The following SEMA3D variants were observed in gnomAD, a reference collection of about 807,000 sequenced individuals.
SEMA3D encodes semaphorin-3D.
SEMA3D carries 84 observed loss-of-function variants against 100.1 expected under a neutral mutation model. The ratio of observed to expected loss-of-function variants is 0.84; its 90% CI spans 0.70 to 1.01. SEMA3D has a LOEUF of 1.01. Ranked by LOEUF, SEMA3D falls within the 50% of genes least tolerant of loss-of-function variation. The pLI is 0.00. For missense variants in SEMA3D, 875 were observed against 934.1 expected (o/e 0.94, Z 0.82); for synonymous variants, 312 against 320.7 (o/e 0.97, Z 0.29).
chr7:85,226,091 C>A, the SEMA3D span, among the ~76,000 whole-genome samples: 1 of 152,088 alleles, frequency 6.6e-6, no homozygotes, highest in African/African-American at 2.4e-5. Context: ...TTTAAACAAA[C>A]ACATTATTAG....
the SEMA3D span, among the ~76,000 whole-genome samples, chr7:85,207,512 A>G: frequency 6.6e-6 from 1 of 152,112 alleles, no homozygotes; most frequent in Non-Finnish European, 1.5e-5. Flanking sequence ...TTTACTGTGA[A>G]GGCCCTGCTA....
At chr7:85,193,594 C>T in the SEMA3D span, among the ~76,000 whole-genome samples, 2 of 152,012 alleles carry the variant, frequency 1.3e-5, no homozygotes, top group African/African-American at 2.4e-5. Flanking sequence ...TACCACTTTG[C>T]AAGTAGAAAA....
At chr7:85,022,332 C>G (rs1790276879) in intron 13 of SEMA3D, 59 bp downstream of exon 13, 1 of 1,152,056 alleles carries the variant, frequency 8.7e-7, no homozygotes, top group Non-Finnish European at 1.3e-6. Flanking sequence ...AGTTGTTCTT[C>G]TCTTTGTCTA....
intron 2 of SEMA3D, among the ~76,000 whole-genome samples, chr7:85,125,366 G>A (rs951368967): frequency 2.6e-5 from 4 of 152,104 alleles, no homozygotes; most frequent in African/African-American, 7.2e-5. Context: ...GTCATTAATC[G>A]CTAAGACATG....
chr7:85,075,640 T>G (rs141854064), intron 5 of SEMA3D, among the ~76,000 whole-genome samples: 2 of 152,306 alleles, frequency 1.3e-5, no homozygotes, highest in African/African-American at 4.8e-5. Flanking sequence ...TTGAATTATC[T>G]GACACAGTTT....
intron 5 of SEMA3D, among the ~76,000 whole-genome samples, chr7:85,079,362 A>G (rs953840099): frequency 1.3e-5 from 2 of 152,192 alleles, no homozygotes; most frequent in African/African-American, 4.8e-5. Flanking sequence ...TTATCACTAC[A>G]TGATTCAACA....
chr7:85,211,312 G>A, the SEMA3D span, among the ~76,000 whole-genome samples: 1 of 151,938 alleles, frequency 6.6e-6, no homozygotes, highest in East Asian at 1.9e-4. Context: ...TCTCTGTGAG[G>A]ACATTTTCCA....
Position 85,121,819 on chromosome 7 carries a change from G to C in SEMA3D, c.73C>G (p.Leu25Val), listed in dbSNP as rs1789423210. Residue 25 changes from leucine (L) to valine (V), a missense_variant, in exon 3 of 19, where the codon CTA becomes GTA. Transcript: ENST00000284136. ...GGAAGAAACAACATGGTCATGCTTAGCATCATCAAAGCAGGAAAAAGGTGA... is the reference window on the plus strand; with the variant it reads ...GGAAGAAACAACATGGTCATGCTTACCATCATCAAAGCAGGAAAAAGGTGA... ...DFHLFPALMM[L>V]SMTMLFLPVT... 1 of 1,609,984 alleles carries C rather than the reference G, an allele frequency of 6.2e-7. No homozygotes were observed. The highest frequency in any genetic ancestry group is 1.3e-5 in the African/African-American group (1 of 74,882).
the SEMA3D span, among the ~76,000 whole-genome samples, chr7:85,238,560 C>G: frequency 6.6e-6 from 1 of 152,158 alleles, no homozygotes; most frequent in Non-Finnish European, 1.5e-5. Context: ...CAATCTGTCT[C>G]TTCTTCCTCC....
At chr7:85,194,124 A>T in the SEMA3D span, among the ~76,000 whole-genome samples, 3 of 152,180 alleles carry the variant, frequency 2.0e-5, no homozygotes, top group African/African-American at 7.2e-5. Context: ...CAGATTTTCT[A>T]AGTAGATGAT....
the SEMA3D span, among the ~76,000 whole-genome samples, chr7:85,226,607 T>C: frequency 6.6e-6 from 1 of 152,168 alleles, no homozygotes; most frequent in African/African-American, 2.4e-5. Flanking sequence ...TGTGAACTCA[T>C]AGTTTGTTTT....
At chr7:85,068,357 AC>A in intron 6 of SEMA3D, 73 bp from the exon 7 acceptor site, 1 of 798,818 alleles carries the variant, frequency 1.3e-6, no homozygotes, top group Non-Finnish European at 2.2e-6. Flanking sequence ...GGAGATACAA[AC>A]TAAATTCCAA....
At chr7:85,150,346 A>AATATATATATATATATATATATATT (rs3078412) in intron 2 of SEMA3D, among the ~76,000 whole-genome samples, 1 of 121,238 alleles carries the variant, frequency 8.2e-6, no homozygotes, top group Admixed American at 8.8e-5. Flanking sequence ...CTTTTCTAGA[A>AATATATATATATATATATATATATT]ATATATATAT....
chr7:85,134,180 CT>C (rs1465649194), intron 2 of SEMA3D, among the ~76,000 whole-genome samples: 1 of 151,822 alleles, frequency 6.6e-6, no homozygotes, highest in Admixed American at 6.6e-5. Context: ...TACTTAATTG[CT>C]TTATTGGATG....
In SEMA3D at chr7:85,113,313, C is replaced by T. The variant is rs371987379; in HGVS notation, c.151+8428G>A. Among the ~76,000 whole-genome samples the T allele has an allele frequency of 6.6e-5, 10 of 152,064 alleles. No homozygotes were observed. In the East Asian group the frequency reaches 7.8e-4, roughly 12 times the overall value. On this transcript the variant is annotated intron_variant, in intron 3 of 18. Transcript: ENST00000284136. ...AAAAAATTTGGTAGTCATAAATATG[C>T]GAGAATTCGCCACATGAACTGAAGG...
At chr7:85,013,549 A>T (rs768783666) in intron 16 of SEMA3D, among the ~76,000 whole-genome samples, 4 of 151,580 alleles carry the variant, frequency 2.6e-5, no homozygotes, top group Non-Finnish European at 5.9e-5. Flanking sequence ...CAGGTCTTAC[A>T]CTCTTACAGC....
chr7:85,093,239 C>T (rs1788450441), intron 4 of SEMA3D, among the ~76,000 whole-genome samples: 2 of 151,978 alleles, frequency 1.3e-5, no homozygotes, highest in Non-Finnish European at 1.5e-5. Context: ...ATTCCTTCAA[C>T]TTGAGGTGAC....
At chr7:85,171,605 AG>A (rs1791083954) in intron 1 of SEMA3D, among the ~76,000 whole-genome samples, 1 of 151,982 alleles carries the variant, frequency 6.6e-6, no homozygotes, top group Non-Finnish European at 1.5e-5. Context: ...ACTGTTTGAT[AG>A]GCAGGTCCCT....
chr7:85,245,004 C>G, the SEMA3D span, among the ~76,000 whole-genome samples: 1 of 152,106 alleles, frequency 6.6e-6, no homozygotes, highest in African/African-American at 2.4e-5. Context: ...AGCCACTGCG[C>G]CCGGCCAGAA....
Sources: allele counts gnomAD v4.1 joint callset (sites outside exome capture counted in the v4.1 genomes callset), GRCh38; gene constraint gnomAD v4.1.1; transcripts MANE v1.5; gene names NCBI Gene and HGNC (gene_info 2026-07-23, HGNC 2026-07-21).